Variants in FBXO7 observed in about 807,000 individuals in gnomAD.
FBXO7 encodes the protein F-box protein 7, also known as F-box only protein 7.
FBXO7 carries 31 observed loss-of-function variants against 50.2 expected under a neutral mutation model. That is an observed-to-expected ratio of 0.62 (90% CI 0.46 to 0.83). FBXO7 has a LOEUF of 0.83. Ranked by LOEUF, FBXO7 falls within the 40% of genes least tolerant of loss-of-function variation. The pLI, the probability that FBXO7 is intolerant of heterozygous loss-of-function variation, is 0.00. For missense variants in FBXO7, 667 were observed against 646.6 expected, an observed-to-expected ratio of 1.03 and a Z score of -0.34; for synonymous variants, 256 against 253.1, an observed-to-expected ratio of 1.01 and a Z score of -0.11.
chr22:32,479,145 C>A lies in FBXO7; in HGVS notation c.287C>A (p.Ser96Tyr). ...CCTTCATCCACAGATTCAGAGCATT[C>A]TTCACTCCAGAATAATGAGCAACCC... ...NIPSSTDSEHSSLQNNEQPSL... is the reference protein window; with the variant it reads ...NIPSSTDSEHYSLQNNEQPSL... The change falls in exon 2 of 9, where the codon TCT becomes TAT. Residue 96 changes from serine to tyrosine, a missense_variant. By Grantham distance (144) the Ser-to-Tyr change is moderately radical. Transcript: ENST00000266087. The A allele has an allele frequency of 6.2e-7, 1 of 1,614,152 alleles. No homozygotes were observed.
At chr22:32,483,844 A>G (rs1442425344) in intron 2 of FBXO7, 53 bp from the exon 3 acceptor site, 6 of 1,509,656 alleles carry the variant, frequency 4.0e-6, no homozygotes, top group African/African-American at 1.4e-5. Flanking sequence ...ACAAAAATGT[A>G]TAGTGTAAAA....
intron 6 of FBXO7, chr22:32,491,572 TATATATGTCTATATAGACATATATTTAG>T (rs1392341639): frequency 3.5e-5 from 5 of 144,600 alleles, no homozygotes; most frequent in African/African-American, 5.6e-5. Context: ...TATATTTAGA[TATATATGTCTATATAGACATATATTTAG>T]ATATATATGT....
intron 2 of FBXO7, 100 bp from the exon 3 acceptor site, chr22:32,483,797 T>A: frequency 9.8e-7 from 1 of 1,018,198 alleles, no homozygotes; most frequent in Non-Finnish European, 1.5e-6. Flanking sequence ...AACCCAATGA[T>A]GTACTTTGAC....
chr22:32,481,195 T>C (rs1404684440), intron 2 of FBXO7, among the ~76,000 whole-genome samples: 1 of 152,222 alleles, frequency 6.6e-6, no homozygotes, highest in Non-Finnish European at 1.5e-5. Flanking sequence ...GTGAAAATTA[T>C]GTCCAGATAT....
chr22:32,483,742 G>C (rs781061830), intron 2 of FBXO7, among the ~76,000 whole-genome samples, 155 bp from the exon 3 acceptor site: 1 of 152,116 alleles, frequency 6.6e-6, no homozygotes, highest in Non-Finnish European at 1.5e-5. Flanking sequence ...TAGGTCGCAG[G>C]CTTATTTATT....
At position 32,485,085 on chromosome 22, in the gene FBXO7, A is replaced by G. The variant is rs1043708293; in HGVS notation, c.663A>G (p.Ala221=). The change falls in exon 4 of 9, where the codon GCA becomes GCG. Residue 221 remains alanine (A), a synonymous_variant. Coordinates refer to ENST00000266087, the MANE Select transcript of FBXO7 (RefSeq NM_012179.4). ...GYIPQGTEAK[A]LSMPEKWKLS... Reference sequence around the variant, plus strand: ...TTCCCCAGGGCACCGAAGCCAAAGCACTGTCCATGCCGGAGAAGTGGAAGT... The same window carrying G: ...TTCCCCAGGGCACCGAAGCCAAAGCGCTGTCCATGCCGGAGAAGTGGAAGT... 2 of 1,614,044 alleles carry G rather than the reference A, an allele frequency of 1.2e-6. No homozygotes were observed. The highest frequency in any genetic ancestry group is 1.7e-5 in the Admixed American group (1 of 59,994).
At position 32,498,297 on chromosome 22, in the gene FBXO7, G is replaced by A; in HGVS notation, c.1336G>A (p.Gly446Ser). Reference sequence around the variant, plus strand: ...CCGCCTTCCTCCAGGAATTATCGGGGGTGAATATGACCAAAGACCAACACT... The same window carrying A: ...CCGCCTTCCTCCAGGAATTATCGGGAGTGAATATGACCAAAGACCAACACT... ...SSRLPPGIIG[G>S]EYDQRPTLPY... Residue 446 changes from glycine (G) to serine (S), a missense_variant, in exon 9 of 9, where the codon GGT becomes AGT. Transcript: ENST00000266087. 6.2e-7 allele frequency: 1 copy of A among 1,614,054 alleles called. No individual in the cohort carries two copies. Among genetic ancestry groups the A allele is most frequent in the East Asian group, 2.2e-5 (1 of 44,870 alleles).
intron 1 of FBXO7, chr22:32,476,033 T>C (rs2145985189): frequency 6.6e-6 from 1 of 152,292 alleles, no homozygotes; most frequent in East Asian, 1.9e-4. Flanking sequence ...GAAAAAGATG[T>C]TCCCTGGGGA....
chr22:32,497,383 C>T (rs538232304), intron 8 of FBXO7, among the ~76,000 whole-genome samples: 1 of 152,142 alleles, frequency 6.6e-6, no homozygotes, highest in Non-Finnish European at 1.5e-5. Context: ...GGTTAGGTCT[C>T]ACAAGATTTG....
intron 2 of FBXO7, among the ~76,000 whole-genome samples, chr22:32,480,337 C>T (rs571090504): frequency 5.3e-5 from 8 of 152,228 alleles, no homozygotes; most frequent in African/African-American, 1.9e-4. Context: ...TGAAAAGTTA[C>T]TCCACTCAAC....
At chr22:32,494,075 A>G (rs2057556058) in intron 7 of FBXO7, among the ~76,000 whole-genome samples, 1 of 147,592 alleles carries the variant, frequency 6.8e-6, no homozygotes, top group South Asian at 2.2e-4. Flanking sequence ...CACCTTAGTA[A>G]CTGTAAAAAT....
At chr22:32,493,072 T>G (rs1167163724) in intron 6 of FBXO7, 33 bp from the exon 7 acceptor site, 4 of 1,607,138 alleles carry the variant, frequency 2.5e-6, no homozygotes, top group African/African-American at 1.3e-5. Context: ...CTTTACTCAG[T>G]AATACCTGTT....
intron 7 of FBXO7, among the ~76,000 whole-genome samples, chr22:32,493,712 T>C (rs2146003702): frequency 6.6e-6 from 1 of 152,330 alleles, no homozygotes; most frequent in South Asian, 2.1e-4. Context: ...GTAATTATTT[T>C]GGCAGTGATG....
At chr22:32,478,912 C>T (rs2057445335) in intron 1 of FBXO7, 69 bp from the exon 2 acceptor site, 1 of 1,371,872 alleles carries the variant, frequency 7.3e-7, no homozygotes, top group Non-Finnish European at 1.0e-6. Flanking sequence ...CTTATGTATG[C>T]TTCAGATGTG....
At chr22:32,490,755 A>G (rs2145999783) in intron 5 of FBXO7, 1 of 291,396 alleles carries the variant, frequency 3.4e-6, no homozygotes, top group South Asian at 3.9e-5. Context: ...TCTCCACTGT[A>G]TCCTTAGTGC....
chr22:32,480,761 C>T (rs528844263), intron 2 of FBXO7, among the ~76,000 whole-genome samples: 1 of 151,906 alleles, frequency 6.6e-6, no homozygotes, highest in Admixed American at 6.6e-5. Flanking sequence ...CCCTACCCTT[C>T]CGGGGTCAAG....
chr22:32,475,431 G>A (rs1301309203), intron 1 of FBXO7: 27 of 1,608,672 alleles, frequency 1.7e-5, no homozygotes, highest in Non-Finnish European at 2.3e-5. Context: ...GCAGTAAACG[G>A]AACCAGGGAG....
intron 8 of FBXO7, among the ~76,000 whole-genome samples, chr22:32,497,495 T>G (rs2057582957): frequency 6.6e-6 from 1 of 152,254 alleles, no homozygotes; most frequent in Non-Finnish European, 1.5e-5. Flanking sequence ...CTGAGTAGTA[T>G]TCCATGGTGT....
intron 8 of FBXO7, among the ~76,000 whole-genome samples, chr22:32,497,147 T>G (rs1391014673): frequency 6.6e-6 from 1 of 152,128 alleles, no homozygotes; most frequent in Non-Finnish European, 1.5e-5. Context: ...AGAGAGAAAG[T>G]GGTTTCTTTT....
Sources: allele counts gnomAD v4.1 joint callset (sites outside exome capture counted in the v4.1 genomes callset), GRCh38; gene constraint gnomAD v4.1.1; transcripts MANE v1.5; gene names NCBI Gene and HGNC (gene_info 2026-07-23, HGNC 2026-07-21).